MOGAT1: variants seen among roughly 807,000 people sequenced by gnomAD.
MOGAT1 encodes the protein monoacylglycerol O-acyltransferase 1, also known as 2-acylglycerol O-acyltransferase 1.
A neutral mutation model predicts 31.4 loss-of-function variants in MOGAT1; 32 were observed. The ratio of observed to expected loss-of-function variants is 1.02; its 90% confidence interval spans 0.77 to 1.37. The LOEUF (loss-of-function observed/expected upper bound fraction) is 1.37, where lower values mean the gene tolerates loss of function less well. Among genes scored for constraint, MOGAT1 ranks in the 40% most tolerant of loss-of-function variants. The pLI is 0.00. For missense variants in MOGAT1, 426 were observed against 402.0 expected (o/e 1.06, Z -0.51); for synonymous variants, 145 against 144.5 (o/e 1.00, Z -0.03).
intron 5 of MOGAT1, among the ~76,000 whole-genome samples, chr2:222,704,196 G>C (rs535184583): frequency 6.6e-6 from 1 of 152,206 alleles, no homozygotes; most frequent in South Asian, 2.1e-4. Context: ...TTCCCCCTTT[G>C]TTTTGTAAAA....
chr2:222,678,616 A>G (rs1290402705), intron 1 of MOGAT1, among the ~76,000 whole-genome samples: 1 of 152,082 alleles, frequency 6.6e-6, no homozygotes, highest in Admixed American at 6.6e-5. Context: ...TTTTTTTAAT[A>G]GATTGTGTTG....
chr2:222,674,109 T>C (rs1053660821), intron 1 of MOGAT1, among the ~76,000 whole-genome samples: 20 of 152,118 alleles, frequency 1.3e-4, no homozygotes, highest in Non-Finnish European at 2.9e-5. Context: ...CATGGCCCAG[T>C]AGTGGAAAGT....
rs941421035 is a variant in MOGAT1 at position 222,681,284 on chromosome 2, G to A, written c.95-7060G>A. 7.2e-4 allele frequency among the ~76,000 whole-genome samples: 110 copies of A among 152,284 alleles called. 1 individual carries two copies. Among genetic ancestry groups the A allele is most frequent in the African/African-American group, 2.5e-3 (104 of 41,562 alleles). ...AGATGCCAACCACAAGTCCAGGTTG[G>A]CACTTGTGCTTCTTTCTGACGGCTA... On this transcript the variant is annotated intron_variant, in intron 1 of 5. Coordinates refer to ENST00000446656, the MANE Select transcript of MOGAT1 (RefSeq NM_058165.3).
chr2:222,704,852 G>C (rs1306347653), intron 5 of MOGAT1, among the ~76,000 whole-genome samples: 1 of 152,074 alleles, frequency 6.6e-6, no homozygotes, highest in Non-Finnish European at 1.5e-5. Context: ...CCAAGTAATT[G>C]AATGTTGGGC....
chr2:222,676,594 T>C (rs577123263), intron 1 of MOGAT1, among the ~76,000 whole-genome samples: 1 of 152,320 alleles, frequency 6.6e-6, no homozygotes, highest in South Asian at 2.1e-4. Context: ...TCTTTATTCA[T>C]AGGTAAACCA....
chr2:222,697,576 C>CT (rs35259095), intron 5 of MOGAT1, among the ~76,000 whole-genome samples: 2,930 of 95,976 alleles, frequency 0.031, 99 homozygotes, highest in African/African-American at 0.066. Context: ...TTATCAGAAT[C>CT]TTTTTTTTTT....
At chr2:222,705,558 T>C (rs746984133) in intron 5 of MOGAT1, among the ~76,000 whole-genome samples, 6 of 152,238 alleles carry the variant, frequency 3.9e-5, no homozygotes, top group Non-Finnish European at 8.8e-5. Context: ...CTCAATGTCC[T>C]CATTTCTCTG....
At chr2:222,706,015 T>C (rs1692999858) in intron 5 of MOGAT1, among the ~76,000 whole-genome samples, 1 of 152,174 alleles carries the variant, frequency 6.6e-6, no homozygotes, top group South Asian at 2.1e-4. Context: ...TTGGGGTTAG[T>C]TTAAGAAGCA....
chr2:222,701,122 C>T (rs572396140), intron 5 of MOGAT1, among the ~76,000 whole-genome samples: 4 of 152,204 alleles, frequency 2.6e-5, no homozygotes, highest in South Asian at 4.1e-4. Flanking sequence ...TGGCTGGCCG[C>T]GGTGGCTCAC....
chr2:222,700,944 T>C (rs1692908995), intron 5 of MOGAT1, among the ~76,000 whole-genome samples: 2 of 152,214 alleles, frequency 1.3e-5, no homozygotes, highest in Non-Finnish European at 2.9e-5. Context: ...CTGTGGTCCC[T>C]CTGCTCCCTC....
intron 5 of MOGAT1, among the ~76,000 whole-genome samples, chr2:222,695,761 CTT>C (rs1692828447): frequency 6.6e-6 from 1 of 151,800 alleles, no homozygotes; most frequent in Non-Finnish European, 1.5e-5. Flanking sequence ...CTGCTATAGA[CTT>C]ATTTTTTTTT....
At chr2:222,687,326 A>T (rs1692689964) in intron 1 of MOGAT1, among the ~76,000 whole-genome samples, 1 of 152,098 alleles carries the variant, frequency 6.6e-6, no homozygotes, top group Admixed American at 6.5e-5. Context: ...TGGGGGTGGA[A>T]ATGAACCCTA....
chr2:222,697,817 C>A (rs1692858040), intron 5 of MOGAT1, among the ~76,000 whole-genome samples: 1 of 152,010 alleles, frequency 6.6e-6, no homozygotes, highest in African/African-American at 2.4e-5. Flanking sequence ...TCAGGTGATC[C>A]ATCTGCCTCA....
intron 5 of MOGAT1, among the ~76,000 whole-genome samples, chr2:222,703,319 A>G (rs926137260): frequency 3.3e-5 from 5 of 152,216 alleles, no homozygotes; most frequent in African/African-American, 1.2e-4. Flanking sequence ...CATATTCTAC[A>G]GAGGAATTTT....
At chr2:222,707,355 AAGAAAGAGAAAGAAAG>A (rs1693019760) in intron 5 of MOGAT1, among the ~76,000 whole-genome samples, 2 of 111,598 alleles carry the variant, frequency 1.8e-5, no homozygotes, top group African/African-American at 7.6e-5. Flanking sequence ...AAGAAAAAGA[AAGAAAGAGAAAGAAAG>A]AGAAAGAAAG....
chr2:222,679,600 A>G (rs1299483038), intron 1 of MOGAT1, among the ~76,000 whole-genome samples: 3 of 152,266 alleles, frequency 2.0e-5, no homozygotes, highest in Admixed American at 2.0e-4. Context: ...TAACAATACA[A>G]TACTATGACC....
chr2:222,692,196 T>G (rs562405216), intron 3 of MOGAT1, among the ~76,000 whole-genome samples: 1 of 152,044 alleles, frequency 6.6e-6, no homozygotes, highest in Admixed American at 6.6e-5. Flanking sequence ...TGTTGAGTGA[T>G]GAAGGGAGAG....
intron 1 of MOGAT1, among the ~76,000 whole-genome samples, chr2:222,687,075 A>G (rs1363177745): frequency 7.3e-6 from 1 of 136,608 alleles, no homozygotes; most frequent in Admixed American, 8.1e-5. Context: ...GATTGCACCC[A>G]TGCACTCTAG....
At chr2:222,691,591 T>C (rs1477062838) in intron 3 of MOGAT1, among the ~76,000 whole-genome samples, 1 of 152,204 alleles carries the variant, frequency 6.6e-6, no homozygotes, top group Admixed American at 6.5e-5. Flanking sequence ...ACTCAAACTT[T>C]CAGCCAGTGG....
Sources: allele counts gnomAD v4.1 joint callset (sites outside exome capture counted in the v4.1 genomes callset), GRCh38; gene constraint gnomAD v4.1.1; transcripts MANE v1.5; gene names NCBI Gene and HGNC (gene_info 2026-07-23, HGNC 2026-07-21).